The following FOXF1 variants were observed in gnomAD, a reference collection of about 807,000 sequenced individuals.
FOXF1 encodes the protein forkhead box protein F1.
Under a neutral mutation model 26.6 loss-of-function variants are expected in FOXF1, and 9 were observed. That is an observed-to-expected ratio of 0.34 (90% CI 0.20 to 0.59). FOXF1 has a LOEUF of 0.59. Among genes scored for constraint, FOXF1 ranks in the 20% least tolerant of loss-of-function variants. FOXF1 has a pLI of 0.83. For missense variants in FOXF1, 499 were observed against 549.9 expected (o/e 0.91, Z 0.93); for synonymous variants, 330 against 257.7 (o/e 1.28, Z -2.69).
At position 86,513,009 on chromosome 16, in the gene FOXF1, C is replaced by G. The variant is rs775322719; in HGVS notation, c.1064C>G (p.Ser355Cys). Residue 355 changes from serine to cysteine, a missense_variant, in exon 2 of 2, where the codon TCC becomes TGC. Around this residue, in one of 5 missense-constraint regions of FOXF1, gnomAD observed 367 missense variants for 324.8 expected, o/e 1.13. Coordinates refer to ENST00000262426, the MANE Select transcript of FOXF1 (RefSeq NM_001451.3). ...TCTTTCAACGCCATGGCGTCCTCTT[C>G]CATGCACTCGGCCGGCGGGGGCTCC... ...VFSFNAMASS[S>C]MHSAGGGSYY... 6.8e-6 allele frequency: 11 copies of G among 1,614,102 alleles called. No homozygotes were observed. The highest frequency in any genetic ancestry group is 8.5e-6 in the Non-Finnish European group (10 of 1,180,044).
At chr16:86,511,590 G>T in intron 1 of FOXF1, 42 bp downstream of exon 1, 1 of 1,549,652 alleles carries the variant, frequency 6.5e-7, no homozygotes, top group Non-Finnish European at 8.7e-7. Flanking sequence ...CCGGGAAGTC[G>T]AGTCTGAGTG....
chr16:86,512,248 A>C (rs1349863931), intron 1 of FOXF1, among the ~76,000 whole-genome samples: 3 of 151,608 alleles, frequency 2.0e-5, no homozygotes, highest in African/African-American at 7.3e-5. Context: ...CCGAACATGC[A>C]GAAGCATCTG....
At chr16:86,512,641 C>G (rs1166371157) in intron 1 of FOXF1, among the ~76,000 whole-genome samples, 3 of 152,238 alleles carry the variant, frequency 2.0e-5, no homozygotes, top group African/African-American at 7.2e-5. Context: ...CCCTATGGCT[C>G]TGGAAGCCCT....
At position 86,511,191 on chromosome 16, in the gene FOXF1, C is replaced by G; in HGVS notation, c.622C>G (p.Leu208Val). 1 of 1,560,514 alleles carries G rather than the reference C, an allele frequency of 6.4e-7. No individual in the cohort carries two copies. The highest frequency in any genetic ancestry group is 8.6e-7 in the Non-Finnish European group (1 of 1,161,062). Residue 208 changes from leucine to valine, a missense_variant, in exon 1 of 2, where the codon CTG becomes GTG. This residue lies in a region of FOXF1 where 367 missense variants were observed against 324.8 expected (regional missense o/e 1.13). Coordinates refer to ENST00000262426, the MANE Select transcript of FOXF1 (RefSeq NM_001451.3). ...GCCGGGCAACGTGGACGGCATGGCC[C>G]TGCCCAGCCACTCGGTGCCCCACCT... ...HLPGNVDGMA[L>V]PSHSVPHLPS...
intron 1 of FOXF1, among the ~76,000 whole-genome samples, chr16:86,512,497 C>T (rs1235396115): frequency 6.6e-6 from 1 of 152,262 alleles, no homozygotes; most frequent in Admixed American, 6.5e-5. Context: ...GCTGGCCCGG[C>T]GCTGGCCCTG....
rs993021466 is a variant in FOXF1, at chr16:86,511,473, G to T, written c.904G>T (p.Gly302Cys). Residue 302 changes from glycine (G) to cysteine (C), a missense_variant, in exon 1 of 2, where the codon GGC becomes TGC. Gly to Cys is a radical substitution (Grantham distance 159, BLOSUM62 -3). This residue lies in a region of FOXF1 where 367 missense variants were observed against 324.8 expected (regional missense o/e 1.13). Transcript: ENST00000262426. The stretch of plus-strand genomic sequence containing the variant: ...TAACCCCGCGGCCAACCCCCTGTCC[G>T]GCAGCCTCTCCACGCACTCCCTGGA... Reference protein sequence around the residue: ...PCNPAANPLSGSLSTHSLEQP... With the variant: ...PCNPAANPLSCSLSTHSLEQP... 1 of 1,589,654 alleles carries T rather than the reference G, an allele frequency of 6.3e-7. No homozygotes were observed. Among genetic ancestry groups the T allele is most frequent in the Non-Finnish European group, 8.5e-7 (1 of 1,176,358 alleles).
chr16:86,511,116 C>T lies in FOXF1; in HGVS notation c.547C>T (p.Pro183Ser), dbSNP rs773313203. Residue 183 changes from proline to serine, a missense_variant, in exon 1 of 2, where the codon CCC becomes TCC. By Grantham distance (74) the Pro-to-Ser change is moderately conservative. Around this residue, in one of 5 missense-constraint regions of FOXF1, gnomAD observed 367 missense variants for 324.8 expected, o/e 1.13. Transcript: ENST00000262426. ...QGSAGGLSCP[P>S]NSLALEGGLG... ...CTCGGCCGGCGGCCTCTCGTGCCCG[C>T]CCAACAGCCTGGCGCTGGAGGGCGG... The T allele has an allele frequency of 4.5e-5, 72 of 1,604,922 alleles. No homozygotes were observed. Among genetic ancestry groups the T allele is most frequent in the Non-Finnish European group, 5.8e-5 (68 of 1,179,702 alleles).
At chr16:86,512,446 C>T (rs1051360608) in intron 1 of FOXF1, among the ~76,000 whole-genome samples, 1 of 152,234 alleles carries the variant, frequency 6.6e-6, no homozygotes, top group Non-Finnish European at 1.5e-5. Context: ...CTCCCCGGCT[C>T]CGGGGCCTGT....
In FOXF1 at chr16:86,513,134, C is replaced by T. The variant is rs1221996549; in HGVS notation, c.*49C>T. The T allele has an allele frequency of 1.3e-6, 2 of 1,590,214 alleles. No individual in the cohort carries two copies. The highest frequency in any genetic ancestry group is 3.3e-5 in the Admixed American group (2 of 59,734). Reference sequence around the variant, plus strand: ...GTGCAGGCAGGCGGGTCACAGGGACCCTGGACCGGCACAAGAAACTGCTTT... The same window carrying T: ...GTGCAGGCAGGCGGGTCACAGGGACTCTGGACCGGCACAAGAAACTGCTTT... On this transcript the variant is annotated 3_prime_UTR_variant, in exon 2 of 2. Transcript: ENST00000262426.
Position 86,513,093 on chromosome 16 carries a change from G to A in FOXF1, c.*8G>A, listed in dbSNP as rs750231814. Reference sequence around the variant, plus strand: ...AAGCCTTGCGTGATGTGAGGCTGCCGCCGCAGGCCCTCCTGGTGCAGGCAG... The same window carrying A: ...AAGCCTTGCGTGATGTGAGGCTGCCACCGCAGGCCCTCCTGGTGCAGGCAG... On this transcript the variant is annotated 3_prime_UTR_variant, in exon 2 of 2. Transcript: ENST00000262426. 17 of 1,609,778 alleles carry A rather than the reference G, an allele frequency of 1.1e-5. No individual in the cohort carries two copies. The highest frequency in any genetic ancestry group is 6.7e-5 in the Admixed American group (4 of 60,018).
At position 86,514,467 on chromosome 16, in the gene FOXF1, G is replaced by A. The variant is rs753715303; in HGVS notation, c.*1382G>A. On this transcript the variant is annotated 3_prime_UTR_variant, in exon 2 of 2. Coordinates refer to ENST00000262426, the MANE Select transcript of FOXF1 (RefSeq NM_001451.3). ...AATAAAATTGCATGAGTATTTTATTGGGACTGAGATTGTAGAATACCTTCC... is the reference window on the plus strand; with the variant it reads ...AATAAAATTGCATGAGTATTTTATTAGGACTGAGATTGTAGAATACCTTCC... 12 of 152,050 alleles carry A rather than the reference G, an allele frequency of 7.9e-5. No individual in the cohort carries two copies. The highest frequency in any genetic ancestry group is 1.2e-4 in the African/African-American group (5 of 41,402). The allele number at this position is 152,050 out of a possible 1,614,324, so 9.4% of individuals were successfully genotyped here. A position where few individuals can be genotyped will look rare whatever the true frequency, so the allele number is the denominator to read the frequency against.
Position 86,513,018 on chromosome 16 carries a change from C to T in FOXF1, c.1073C>T (p.Ser358Leu), listed in dbSNP as rs781073053. The T allele has an allele frequency of 4.3e-6, 7 of 1,613,914 alleles. No individual in the cohort carries two copies. The Middle Eastern group carries it at 4.9e-4, about 114-fold the overall frequency. Residue 358 changes from serine (S) to leucine (L), a missense_variant, in exon 2 of 2, where the codon TCG becomes TTG. By Grantham distance (145) the Ser-to-Leu change is moderately radical (BLOSUM62 -2). Around this residue, in one of 5 missense-constraint regions of FOXF1, gnomAD observed 367 missense variants for 324.8 expected, o/e 1.13. Coordinates refer to ENST00000262426, the MANE Select transcript of FOXF1 (RefSeq NM_001451.3). ...FNAMASSSMH[S>L]AGGGSYYHQQ... ...GCCATGGCGTCCTCTTCCATGCACT[C>T]GGCCGGCGGGGGCTCCTACTACCAC... is the stretch of plus-strand genomic sequence containing the variant.
chr16:86,512,791 G>C, intron 1 of FOXF1, 134 bp from the exon 2 acceptor site: 1 of 992,096 alleles, frequency 1.0e-6, no homozygotes, highest in Admixed American at 1.9e-5. Flanking sequence ...GGAGAGCGGG[G>C]AGGCGGCCGT....
In FOXF1 at chr16:86,513,431, TCCTTCCGGCCAATGGCAGAAGTGGGGG is replaced by T. The variant is rs1485247685; in HGVS notation, c.*347_*373del. 1 of 293,482 alleles carries T rather than the reference TCCTTCCGGCCAATGGCAGAAGTGGGGG, an allele frequency of 3.4e-6. No homozygotes were observed. The highest frequency in any genetic ancestry group is 2.2e-5 in the African/African-American group (1 of 46,194). The allele number at this position is 293,482 out of a possible 1,614,324, so 18.2% of individuals were successfully genotyped here. A position where few individuals can be genotyped will look rare whatever the true frequency, so the allele number is the denominator to read the frequency against. On this transcript the variant is annotated 3_prime_UTR_variant, in exon 2 of 2. Coordinates refer to ENST00000262426, the MANE Select transcript of FOXF1 (RefSeq NM_001451.3). ...ACAGGAATTCTGCTGAGGTCCCCCC[TCCTTCCGGCCAATGGCAGAAGTGGGGG>T]AAAATTTTTAGAAGAAAAGCAAACA...
At chr16:86,512,092 G>T (rs865899712) in intron 1 of FOXF1, among the ~76,000 whole-genome samples, 50 of 152,346 alleles carry the variant, frequency 3.3e-4, no homozygotes, top group Middle Eastern at 3.4e-3. Flanking sequence ...TGAGTCCAGG[G>T]GCATTTTGTG....
rs558547524 is a variant in FOXF1, at chr16:86,514,737, T to C, written c.*1652T>C. The C allele has an allele frequency of 6.6e-6, 1 of 152,146 alleles. No homozygotes were observed. The highest frequency in any genetic ancestry group is 2.4e-5 in the African/African-American group (1 of 41,412). The allele number at this position is 152,146 out of a possible 1,614,324, so 9.4% of individuals were successfully genotyped here. ...TTGATCGTTTTAAAGAAATAAACTT[T>C]TAAAGAACACTATAGACCTCCTTCC... is the stretch of plus-strand genomic sequence containing the variant. On this transcript the variant is annotated 3_prime_UTR_variant, in exon 2 of 2. Transcript: ENST00000262426.
chr16:86,515,050 CA>C lies in FOXF1; in HGVS notation c.*1967del, dbSNP rs1447974942. On this transcript the variant is annotated 3_prime_UTR_variant, in exon 2 of 2. Transcript: ENST00000262426. The surrounding 1 kb of genome is among the most constrained non-coding windows in gnomAD (Gnocchi z 4.1). The stretch of plus-strand genomic sequence containing the variant: ...TTCTTGGTTTTCCCCGATAGAAAAT[CA>C]AGCAAAATCTAAATGAGGCAAAAGG... 1.3e-5 allele frequency: 2 copies of C among 152,090 alleles called. No homozygotes were observed. Among genetic ancestry groups the C allele is most frequent in the Non-Finnish European group, 2.9e-5 (2 of 68,030 alleles). 9.4% of individuals were successfully genotyped at this position (152,090 alleles called of 1,614,324 possible). A position where few individuals can be genotyped will look rare whatever the true frequency, so the allele number is the denominator to read the frequency against.
Position 86,510,896 on chromosome 16 carries a change from A to C in FOXF1, c.327A>C (p.Leu109=). 1 of 1,613,718 alleles carries C rather than the reference A, an allele frequency of 6.2e-7. No individual in the cohort carries two copies. Among genetic ancestry groups the C allele is most frequent in the Non-Finnish European group, 8.5e-7 (1 of 1,179,988 alleles). Residue 109 remains leucine (L), a synonymous_variant, in exon 1 of 2, where the codon CTA becomes CTC. Transcript: ENST00000262426. ...CGCTCAACGAGTGCTTCATCAAGCT[A>C]CCCAAGGGCCTTGGGCGGCCCGGCA... ...NLSLNECFIK[L]PKGLGRPGKG...
At chr16:86,512,850 T>C (rs2143191566) in intron 1 of FOXF1, 75 bp from the exon 2 acceptor site, 1 of 1,573,932 alleles carries the variant, frequency 6.4e-7, no homozygotes. Context: ...GGAGCACTGC[T>C]CCTCTGCCTG....
Sources: gnomAD v4.1 joint callset for allele counts (sites outside exome capture counted in the v4.1 genomes callset) on GRCh38, gnomAD v4.1.1 for gene constraint, gnomAD v4.1.1 regional missense constraint, Gnocchi (gnomAD v3.1) non-coding constraint, MANE v1.5 for transcripts, NCBI Gene and HGNC (gene_info 2026-07-23, HGNC 2026-07-21) for gene names.